The following ASIC2 variants were observed in gnomAD, a reference collection of about 807,000 sequenced individuals.
ASIC2 encodes the protein acid-sensing ion channel 2.
Under a neutral mutation model 57.3 loss-of-function variants are expected in ASIC2, and 25 were observed. The observed-to-expected ratio is 0.44, with a 90% CI of 0.32 to 0.61. The LOEUF is 0.61. Ranked by LOEUF, ASIC2 falls within the 20% of genes least tolerant of loss-of-function variation. ASIC2 has a pLI of 0.06. For missense variants in ASIC2, 641 were observed against 738.1 expected (o/e 0.87, Z 1.52); for synonymous variants, 319 against 307.5 (o/e 1.04, Z -0.39).
At chr17:33,320,853 AT>A (rs894748542) in intron 1 of ASIC2, among the ~76,000 whole-genome samples, 4 of 152,086 alleles carry the variant, frequency 2.6e-5, no homozygotes, top group Admixed American at 6.5e-5. Context: ...CTTATAACTG[AT>A]TTTTTTGTGG....
At chr17:33,511,601 G>C (rs970123014) in intron 1 of ASIC2, among the ~76,000 whole-genome samples, 1 of 152,086 alleles carries the variant, frequency 6.6e-6, no homozygotes, top group Non-Finnish European at 1.5e-5. Context: ...CTTCCTCCCT[G>C]TCTCACTGCC....
At chr17:33,491,920 G>A (rs1359780378) in intron 1 of ASIC2, among the ~76,000 whole-genome samples, 1 of 152,126 alleles carries the variant, frequency 6.6e-6, no homozygotes, top group Non-Finnish European at 1.5e-5. Context: ...TTTTCTCCTC[G>A]TGGCCCTAAT....
intron 3 of ASIC2, among the ~76,000 whole-genome samples, chr17:33,060,244 T>C (rs1444732572): frequency 1.3e-5 from 2 of 152,216 alleles, no homozygotes; most frequent in African/African-American, 2.4e-5. Flanking sequence ...CCCATGCCTA[T>C]GTCCTGAATG....
intron 1 of ASIC2, among the ~76,000 whole-genome samples, chr17:33,799,466 CTTT>C (rs1912058989): frequency 7.9e-6 from 1 of 127,320 alleles, no homozygotes; most frequent in African/African-American, 3.0e-5. Flanking sequence ...TTCTTTCTTT[CTTT>C]CTTTCTTTCC....
intron 1 of ASIC2, among the ~76,000 whole-genome samples, chr17:33,942,848 C>A (rs1916221869): frequency 6.6e-6 from 1 of 152,134 alleles, no homozygotes; most frequent in African/African-American, 2.4e-5. Context: ...CAGGACTGAC[C>A]CCAAAGTCCC....
chr17:34,009,086 T>C (rs1354191640), intron 1 of ASIC2, among the ~76,000 whole-genome samples: 2 of 152,210 alleles, frequency 1.3e-5, no homozygotes, highest in Admixed American at 1.3e-4. Flanking sequence ...CTTTTTTTTT[T>C]TCCCAGCCCA....
At chr17:33,490,860 G>A (rs570709658) in intron 1 of ASIC2, among the ~76,000 whole-genome samples, 82 of 152,230 alleles carry the variant, frequency 5.4e-4, no homozygotes, top group African/African-American at 1.5e-3. Context: ...CATTTTCGCC[G>A]GGGATAATCA....
intron 1 of ASIC2, among the ~76,000 whole-genome samples, chr17:33,832,734 C>T (rs1190164145): frequency 3.3e-5 from 5 of 152,214 alleles, no homozygotes; most frequent in African/African-American, 9.6e-5. Context: ...GATCCAGCAA[C>T]TCCATTTCTA....
intron 1 of ASIC2, among the ~76,000 whole-genome samples, chr17:33,964,474 G>A (rs572788616): frequency 1.4e-4 from 21 of 152,342 alleles, no homozygotes; most frequent in African/African-American, 4.6e-4. Flanking sequence ...AAGGACCATG[G>A]TAAAATGAGG....
chr17:33,367,548 C>T (rs550929128), intron 1 of ASIC2, among the ~76,000 whole-genome samples: 1 of 152,358 alleles, frequency 6.6e-6, no homozygotes, highest in Admixed American at 6.5e-5. Flanking sequence ...AGTCTGCCTC[C>T]CCATGGGGGC....
At chr17:33,920,434 T>G (rs1396874697) in intron 1 of ASIC2, among the ~76,000 whole-genome samples, 2 of 152,156 alleles carry the variant, frequency 1.3e-5, no homozygotes, top group African/African-American at 2.4e-5. Context: ...GAGGCCATTA[T>G]CCGAAGTGAA....
chr17:33,028,359 G>C lies in ASIC2; in HGVS notation c.1021C>G (p.Arg341Gly), dbSNP rs2091867598. 1 of 1,614,136 alleles carries C rather than the reference G, an allele frequency of 6.2e-7. No homozygotes were observed. Among genetic ancestry groups the C allele is most frequent in the South Asian group, 1.1e-5 (1 of 91,080 alleles). The change falls in exon 4 of 10, where the codon CGA becomes GGA. Residue 341 changes from arginine to glycine, a missense_variant. Transcript: ENST00000225823. ...TYLPPPWGEC[R>G]SSEMGLDFFP... ...AAGTCGAGGCCCATCTCTGAGGATC[G>C]GCACTCACCCCACGGTGGGGGCAGG...
intron 1 of ASIC2, among the ~76,000 whole-genome samples, chr17:33,239,562 A>C (rs763897162): frequency 6.6e-6 from 1 of 152,342 alleles, no homozygotes; most frequent in Non-Finnish European, 1.5e-5. Flanking sequence ...ACTGGCACAC[A>C]GTAAGAGTTC....
chr17:33,638,250 A>G (rs2142031799), intron 1 of ASIC2, among the ~76,000 whole-genome samples: 1 of 152,312 alleles, frequency 6.6e-6, no homozygotes, highest in East Asian at 1.9e-4. Context: ...GTGGTGTTTC[A>G]TTAGTTTTAC....
At chr17:33,053,825 C>A (rs9904927) in intron 3 of ASIC2, among the ~76,000 whole-genome samples, 28,040 of 152,068 alleles carry the variant, frequency 0.18, 2,674 homozygotes, top group Non-Finnish European at 0.2. Flanking sequence ...TAATTATTTA[C>A]CTTAATAGTT....
At chr17:34,061,665 T>G (rs1216232024) in intron 1 of ASIC2, among the ~76,000 whole-genome samples, 1 of 151,896 alleles carries the variant, frequency 6.6e-6, no homozygotes, top group Non-Finnish European at 1.5e-5. Context: ...AAACTTAAAG[T>G]AAAGGGGTGG....
At chr17:33,221,306 G>A (rs779468203) in intron 1 of ASIC2, among the ~76,000 whole-genome samples, 6 of 151,922 alleles carry the variant, frequency 3.9e-5, no homozygotes, top group East Asian at 1.9e-4. Context: ...CCATATTACC[G>A]AAAAATAAAA....
At chr17:33,988,909 G>A (rs1056452841) in intron 1 of ASIC2, among the ~76,000 whole-genome samples, 11 of 152,070 alleles carry the variant, frequency 7.2e-5, no homozygotes, top group African/African-American at 2.7e-4. Flanking sequence ...ATACTCTAGA[G>A]CTCTGAGTCA....
intron 2 of ASIC2, among the ~76,000 whole-genome samples, chr17:33,110,060 TG>T (rs1399051140): frequency 1.6e-4 from 24 of 152,158 alleles, no homozygotes; most frequent in African/African-American, 5.5e-4. Flanking sequence ...TGTGTGTGTG[TG>T]TGTGTGTGTG....
Sources: gnomAD v4.1 joint callset for allele counts (sites outside exome capture counted in the v4.1 genomes callset) on GRCh38, gnomAD v4.1.1 for gene constraint, MANE v1.5 for transcripts, NCBI Gene and HGNC (gene_info 2026-07-23, HGNC 2026-07-21) for gene names.